Variants in CTSH observed in about 807,000 individuals in gnomAD.
CTSH encodes the protein cathepsin H.
In CTSH, 52 loss-of-function variants were observed where a neutral mutation model predicts 56.3. That is an observed-to-expected ratio of 0.92 (90% CI 0.74 to 1.16). The LOEUF is 1.16. Among genes scored for constraint, CTSH ranks in the 50% most tolerant of loss-of-function variants. CTSH has a pLI of 0.00. For synonymous variants in CTSH, 174 were observed against 155.7 expected, an observed-to-expected ratio of 1.12 and a Z score of -0.88; for missense variants, 406 against 424.5, an observed-to-expected ratio of 0.96 and a Z score of 0.38.
intron 6 of CTSH, 198 bp downstream of exon 6, chr15:78,932,174 G>T: frequency 1.1e-6 from 1 of 928,442 alleles, no homozygotes; most frequent in Non-Finnish European, 1.6e-6. Context: ...CCTTGGGCCG[G>T]TTCCTTAATA....
intron 7 of CTSH, 41 bp from the exon 8 acceptor site, chr15:78,929,534 C>T (rs1214907365): frequency 6.8e-7 from 1 of 1,465,262 alleles, no homozygotes; most frequent in Non-Finnish European, 9.4e-7. Flanking sequence ...TGGGGCTGTC[C>T]TGATAGAGGC....
At chr15:78,932,479 C>G (rs1425093620) in intron 5 of CTSH, 21 bp from the exon 6 acceptor site, 1 of 1,586,690 alleles carries the variant, frequency 6.3e-7, no homozygotes, top group Non-Finnish European at 8.7e-7. Context: ...CAGGGGAGAG[C>G]AGAGGACATC....
At chr15:78,931,586 C>G in intron 6 of CTSH, 80 bp from the exon 7 acceptor site, 1 of 1,609,484 alleles carries the variant, frequency 6.2e-7, no homozygotes, top group Non-Finnish European at 8.5e-7. Context: ...GCCTCCCTGG[C>G]TGAGCCACAT....
chr15:78,925,594 T>A (rs1021412199), intron 9 of CTSH, 154 bp from the exon 10 acceptor site: 15 of 583,406 alleles, frequency 2.6e-5, no homozygotes, highest in Non-Finnish European at 4.4e-5. Flanking sequence ...TTCCTGTCTC[T>A]GGCTGGGTCT....
intron 6 of CTSH, chr15:78,931,773 C>G: frequency 7.2e-7 from 1 of 1,392,906 alleles, no homozygotes; most frequent in South Asian, 1.5e-5. Flanking sequence ...GTCCAAACCC[C>G]TGCCCCGTAG....
At chr15:78,943,057 T>A (rs772909097) in intron 1 of CTSH, among the ~76,000 whole-genome samples, 17 of 152,164 alleles carry the variant, frequency 1.1e-4, no homozygotes, top group Non-Finnish European at 2.2e-4. Flanking sequence ...AGGACAAGAG[T>A]TGGAGGCAGG....
At chr15:78,922,568 A>G (rs890021517) in intron 11 of CTSH, among the ~76,000 whole-genome samples, 2 of 152,162 alleles carry the variant, frequency 1.3e-5, no homozygotes, top group African/African-American at 2.4e-5. Flanking sequence ...AGGACAGGAC[A>G]AAGGCACAGC....
intron 6 of CTSH, chr15:78,932,012 G>C (rs545164606): frequency 2.6e-6 from 3 of 1,176,302 alleles, no homozygotes; most frequent in South Asian, 2.2e-5. Context: ...ATAGGTCCCG[G>C]CTCTTCCCTC....
chr15:78,940,494 G>A (rs1330760797), intron 1 of CTSH, among the ~76,000 whole-genome samples: 3 of 151,086 alleles, frequency 2.0e-5, no homozygotes, highest in Admixed American at 6.6e-5. Context: ...CTATGATAGC[G>A]CCACTGCATT....
chr15:78,934,938 G>T, intron 5 of CTSH, 40 bp downstream of exon 5: 1 of 1,313,960 alleles, frequency 7.6e-7, no homozygotes, highest in Non-Finnish European at 1.1e-6. Context: ...CTGGGAGTGT[G>T]GCCGTTTTGC....
intron 2 of CTSH, among the ~76,000 whole-genome samples, 172 bp downstream of exon 2, chr15:78,938,968 A>C (rs955440288): frequency 2.0e-5 from 3 of 152,198 alleles, no homozygotes; most frequent in African/African-American, 7.2e-5. Flanking sequence ...TTTGGAAGGA[A>C]TTTACTTAAC....
intron 1 of CTSH, among the ~76,000 whole-genome samples, chr15:78,941,436 A>T (rs1265576165): frequency 1.3e-5 from 2 of 149,606 alleles, no homozygotes; most frequent in Admixed American, 6.7e-5. Context: ...AAAAAAAAAA[A>T]AAAAAAAAAA....
chr15:78,922,046 C>T lies in CTSH; in HGVS notation c.*84G>A. 2.3e-6 allele frequency: 3 copies of T among 1,316,790 alleles called. No homozygotes were observed. Among genetic ancestry groups the T allele is most frequent in the Non-Finnish European group, 3.2e-6 (3 of 939,530 alleles). 81.6% of individuals were successfully genotyped at this position (1,316,790 alleles called of 1,614,324 possible). On this transcript the variant is annotated 3_prime_UTR_variant, in exon 12 of 12. Transcript: ENST00000220166. ...GGGGTCCCAGTGGATCTCCCCACAA[C>T]TTCCTCCAGGGCAGGATTTCCACCC...
chr15:78,933,935 T>C (rs1033666824), intron 5 of CTSH, among the ~76,000 whole-genome samples: 4 of 152,202 alleles, frequency 2.6e-5, no homozygotes, highest in African/African-American at 9.6e-5. Context: ...TCCTGCCTGA[T>C]GGCCCAGGAT....
At chr15:78,944,782 G>T (rs966200898) in intron 1 of CTSH, 109 bp downstream of exon 1, 13 of 1,394,716 alleles carry the variant, frequency 9.3e-6, no homozygotes, top group East Asian at 3.0e-5. Flanking sequence ...TCTCACCGGG[G>T]AAAGCTCTGC....
At chr15:78,927,262 A>C (rs1389919963) in intron 9 of CTSH, 1 of 184,824 alleles carries the variant, frequency 5.4e-6, no homozygotes, top group African/African-American at 2.4e-5. Flanking sequence ...TAAGCTGTGC[A>C]TGGGCGCAGG....
chr15:78,922,841 T>C (rs2054801681), intron 11 of CTSH, 152 bp downstream of exon 11: 3 of 901,386 alleles, frequency 3.3e-6, no homozygotes, highest in Non-Finnish European at 4.9e-6. Flanking sequence ...GGAGGCTACA[T>C]TCTCATGCTC....
chr15:78,936,180 CTTTTT>C (rs66819363), intron 3 of CTSH, among the ~76,000 whole-genome samples: 3 of 90,866 alleles, frequency 3.3e-5, no homozygotes, highest in South Asian at 4.1e-4. Flanking sequence ...CTTTTCTTTT[CTTTTT>C]TTTTTTTTTT....
At position 78,934,751 on chromosome 15, in the gene CTSH, G is replaced by A. The variant is rs2055137289; in HGVS notation, c.405+227C>T. 9.8e-6 allele frequency: 6 copies of A among 609,798 alleles called. No individual in the cohort carries two copies. The East Asian group carries it at 1.5e-4, about 16-fold the overall frequency. 37.8% of individuals were successfully genotyped at this position (609,798 alleles called of 1,614,324 possible). Reference sequence around the variant, plus strand: ...ATCTGGGGCGTGGGGAAGGAAGGGAGTAAACTTTAGCCCAATAAAGAGGAA... The same window carrying A: ...ATCTGGGGCGTGGGGAAGGAAGGGAATAAACTTTAGCCCAATAAAGAGGAA... On this transcript the variant is annotated intron_variant, in intron 5 of 11. Coordinates refer to ENST00000220166, the MANE Select transcript of CTSH (RefSeq NM_004390.5).
Sources: gnomAD v4.1 joint callset for allele counts (sites outside exome capture counted in the v4.1 genomes callset) on GRCh38, gnomAD v4.1.1 for gene constraint, MANE v1.5 for transcripts, NCBI Gene and HGNC (gene_info 2026-07-23, HGNC 2026-07-21) for gene names.